EDEM2: variants seen among roughly 807,000 people sequenced by gnomAD.
EDEM2 encodes ER degradation enhancing alpha-mannosidase like protein 2.
Under a neutral mutation model 64.8 loss-of-function variants are expected in EDEM2, and 39 were observed. The ratio of observed to expected loss-of-function variants is 0.60; its 90% confidence interval spans 0.47 to 0.79. The LOEUF (loss-of-function observed/expected upper bound fraction) is 0.79, where lower values mean the gene tolerates loss of function less well. EDEM2 is among the 30% of genes least tolerant of loss of function. EDEM2 has a pLI of 0.00. For synonymous variants in EDEM2, 296 were observed against 291.5 expected (o/e 1.02, Z -0.16); for missense variants, 609 against 731.3 (o/e 0.83, Z 1.93).
chr20:35,139,214 G>A (rs550658546), intron 4 of EDEM2, among the ~76,000 whole-genome samples: 7 of 152,236 alleles, frequency 4.6e-5, no homozygotes, highest in African/African-American at 1.4e-4. Flanking sequence ...GCTGGGCGTG[G>A]TGGCAAGCGC....
rs768401230 is a variant in EDEM2 at position 35,146,818 on chromosome 20, G to A, written c.218+7C>T. ...CTGGCCGCCCCTTGCCCCTCCGCTC[G>A]CACTACCTGCCCCAGGTGTCGTGCC... On this transcript the variant is annotated splice_region_variant and intron_variant, in intron 2 of 10. Transcript: ENST00000374492. The A allele has an allele frequency of 3.7e-6, 6 of 1,613,256 alleles. No homozygotes were observed. The Admixed American group carries it at 1.0e-4, about 27-fold the overall frequency.
chr20:35,143,223 G>A (rs546540401), intron 3 of EDEM2, among the ~76,000 whole-genome samples: 152 of 152,298 alleles, frequency 1.0e-3, no homozygotes, highest in Non-Finnish European at 1.6e-3. Flanking sequence ...CTTTGCTGCT[G>A]CAGTTGATTG....
intron 7 of EDEM2, among the ~76,000 whole-genome samples, chr20:35,128,393 A>T (rs2085464712): frequency 6.7e-6 from 1 of 149,072 alleles, no homozygotes; most frequent in African/African-American, 2.5e-5. Flanking sequence ...CAAAAAAAAT[A>T]AAAACAAAAA....
At chr20:35,144,420 G>A (rs1283053257) in intron 3 of EDEM2, among the ~76,000 whole-genome samples, 8 of 152,074 alleles carry the variant, frequency 5.3e-5, no homozygotes, top group African/African-American at 1.7e-4. Flanking sequence ...TGCAACCTCC[G>A]CCTCCCGGGT....
At position 35,126,245 on chromosome 20, in the gene EDEM2, T is replaced by G. The variant is rs748371016; in HGVS notation, c.969+6A>C. The G allele has an allele frequency of 6.2e-7, 1 of 1,612,592 alleles. No individual in the cohort carries two copies. The highest frequency in any genetic ancestry group is 2.2e-5 in the East Asian group (1 of 44,882). On this transcript the variant is annotated splice_donor_region_variant and intron_variant, in intron 8 of 10. Coordinates refer to ENST00000374492, the MANE Select transcript of EDEM2 (RefSeq NM_018217.3). ...AAAGATGATCACATTCTTTGATCAT[T>G]CCTACCTGAAGACCAGGCCAGTAGG...
chr20:35,145,143 C>T (rs2085711832), intron 2 of EDEM2, 125 bp from the exon 3 acceptor site: 2 of 897,858 alleles, frequency 2.2e-6, no homozygotes, highest in Non-Finnish European at 1.7e-6. Flanking sequence ...GTCCCACTTA[C>T]AGTCACAACA....
intron 9 of EDEM2, among the ~76,000 whole-genome samples, chr20:35,123,522 G>A (rs112216983): frequency 0.092 from 13,935 of 151,316 alleles, 2,129 homozygotes; most frequent in African/African-American, 0.32. Context: ...AACCCAGGAG[G>A]CGGAGGTTGC....
chr20:35,147,239 A>T lies in EDEM2; in HGVS notation c.20T>A (p.Ile7Asn). The T allele has an allele frequency of 2.5e-6, 4 of 1,593,786 alleles. No individual in the cohort carries two copies. Among genetic ancestry groups the T allele is most frequent in the Non-Finnish European group, 2.6e-6 (3 of 1,168,512 alleles). ...CAGCGCGCACAGGAGGCCGAGCGGG[A>T]TGAGCAGCCGGAAAGGCATAGAGCT... MPFRLL[I>N]PLGLLCALLP... is the part of the protein sequence containing the mutation. Residue 7 changes from isoleucine to asparagine, a missense_variant, in exon 1 of 11, where the codon ATC becomes AAC. Ile to Asn is a moderately radical substitution (Grantham distance 149). Coordinates refer to ENST00000374492, the MANE Select transcript of EDEM2 (RefSeq NM_018217.3).
chr20:35,126,375 T>C lies in EDEM2; in HGVS notation c.845A>G (p.Glu282Gly), dbSNP rs765596288. The change falls in exon 8 of 11, where the codon GAG becomes GGG. Residue 282 changes from glutamate (E) to glycine (G), a missense_variant and splice_region_variant. Physicochemically the swap from Glu to Gly is moderately conservative, Grantham distance 98. Coordinates refer to ENST00000374492, the MANE Select transcript of EDEM2 (RefSeq NM_018217.3). ...QDKKLMAMFL[E>G]YNKAIRNYTR... ...GTAGTTCCGGATGGCTTTGTTATAC[T>C]CTGCAGTGGGGGAGATGGGATAATG... is the stretch of plus-strand genomic sequence containing the variant. 6.2e-7 allele frequency: 1 copy of C among 1,613,886 alleles called. No individual in the cohort carries two copies. Among genetic ancestry groups the C allele is most frequent in the Non-Finnish European group, 8.5e-7 (1 of 1,179,966 alleles).
At chr20:35,136,587 T>C (rs879115524) in intron 5 of EDEM2, among the ~76,000 whole-genome samples, 2 of 151,404 alleles carry the variant, frequency 1.3e-5, no homozygotes, top group African/African-American at 4.9e-5. Flanking sequence ...TGAAACCCCA[T>C]CTCTACAAAA....
At chr20:35,132,893 T>C (rs1478623309) in intron 6 of EDEM2, among the ~76,000 whole-genome samples, 2 of 152,142 alleles carry the variant, frequency 1.3e-5, no homozygotes, top group African/African-American at 4.8e-5. Context: ...TAACTTCATC[T>C]GGTACTCAAA....
intron 8 of EDEM2, among the ~76,000 whole-genome samples, chr20:35,125,543 C>A (rs1009620318): frequency 6.6e-6 from 1 of 151,948 alleles, no homozygotes; most frequent in African/African-American, 2.4e-5. Context: ...CACCACCACG[C>A]CCAGCTAATT....
At chr20:35,147,076 T>C in intron 1 of EDEM2, 76 bp downstream of exon 1, 7 of 1,551,922 alleles carry the variant, frequency 4.5e-6, no homozygotes, top group Non-Finnish European at 6.1e-6. Flanking sequence ...AGTCGGGGTC[T>C]GGGATGGACG....
rs1273287598 is a variant in EDEM2 at position 35,131,719 on chromosome 20, C to T, written c.767G>A (p.Gly256Asp). Residue 256 changes from glycine (G) to aspartate (D), a missense_variant, in exon 7 of 11, where the codon GGC becomes GAC. Coordinates refer to ENST00000374492, the MANE Select transcript of EDEM2 (RefSeq NM_018217.3). ...CAAGTACTCAAAGTAGGAGTCCACG[C>T]CAGCCCCGATGCCTGCGTCCTGGGC... Reference protein sequence around the residue: ...WVAQDAGIGAGVDSYFEYLVK... With the variant: ...WVAQDAGIGADVDSYFEYLVK... 2.5e-6 allele frequency: 4 copies of T among 1,614,094 alleles called. No homozygotes were observed. The Admixed American group carries it at 6.7e-5, about 27-fold the overall frequency.
At chr20:35,116,163 T>C (rs957834588) in intron 10 of EDEM2, among the ~76,000 whole-genome samples, 3 of 152,190 alleles carry the variant, frequency 2.0e-5, no homozygotes, top group Admixed American at 6.6e-5. Context: ...CTGCAGTTTA[T>C]ATACACACAC....
chr20:35,127,145 C>T (rs1301607561), intron 7 of EDEM2, among the ~76,000 whole-genome samples: 3 of 152,182 alleles, frequency 2.0e-5, no homozygotes, highest in Non-Finnish European at 4.4e-5. Context: ...TTCTCTCTTG[C>T]CTGCACCATG....
At chr20:35,146,985 C>T in intron 1 of EDEM2, 50 bp from the exon 2 acceptor site, 1 of 1,587,138 alleles carries the variant, frequency 6.3e-7, no homozygotes, top group Non-Finnish European at 8.6e-7. Flanking sequence ...CAAAAACAAG[C>T]GGGGGAAGAA....
chr20:35,143,971 C>A (rs764282127), intron 3 of EDEM2, among the ~76,000 whole-genome samples: 5 of 152,038 alleles, frequency 3.3e-5, no homozygotes, highest in Non-Finnish European at 5.9e-5. Context: ...TGCAGTGGTG[C>A]GATCTCGGCT....
chr20:35,127,309 T>C (rs1454592410), intron 7 of EDEM2, among the ~76,000 whole-genome samples: 6 of 152,218 alleles, frequency 3.9e-5, no homozygotes, highest in African/African-American at 4.8e-5. Flanking sequence ...ATGTTAGGTA[T>C]CTGTGGAATT....
Sources: allele counts gnomAD v4.1 joint callset (sites outside exome capture counted in the v4.1 genomes callset), GRCh38; gene constraint gnomAD v4.1.1; transcripts MANE v1.5; gene names NCBI Gene and HGNC (gene_info 2026-07-23, HGNC 2026-07-21).